The following PFKFB1 variants were observed in gnomAD, a reference collection of about 807,000 sequenced individuals.
PFKFB1 encodes the protein 6-phosphofructo-2-kinase/fructose-2,6-bisphosphatase 1.
In PFKFB1, 34 loss-of-function variants were observed where a neutral mutation model predicts 46.4. The ratio of observed to expected loss-of-function variants is 0.73; its 90% CI spans 0.56 to 0.98. The LOEUF (loss-of-function observed/expected upper bound fraction) is 0.98. Among genes scored for constraint, PFKFB1 ranks in the 50% least tolerant of loss-of-function variants. The pLI is 0.00. For synonymous variants in PFKFB1, 119 were observed against 133.8 expected (o/e 0.89, Z 0.76); for missense variants, 393 against 376.3 (o/e 1.04, Z -0.37).
chrX:54,959,703 TA>T, intron 4 of PFKFB1, 123 bp downstream of exon 4: 1 of 481,267 alleles, frequency 2.1e-6, no homozygotes, highest in Admixed American at 3.5e-5. Context: ...AGCATAAAAT[TA>T]AATTATTAAT....
intron 1 of PFKFB1, among the ~76,000 whole-genome samples, chrX:54,991,739 G>C: frequency 9.0e-6 from 1 of 110,918 alleles, no homozygotes; most frequent in Non-Finnish European, 1.9e-5. Context: ...TCAAAAATTA[G>C]AAACTAACCA....
At chrX:54,974,036 A>G (rs1569547138) in intron 1 of PFKFB1, among the ~76,000 whole-genome samples, 1 of 111,483 alleles carries the variant, frequency 9.0e-6, no homozygotes, top group Non-Finnish European at 1.9e-5. Context: ...AAAGATGTCT[A>G]TTCTCCCCAA....
At chrX:54,997,530 A>G (rs946647526), upstream of PFKFB1, among the ~76,000 whole-genome samples, 4 of 112,196 alleles carry the variant, frequency 3.6e-5, no homozygotes, top group Non-Finnish European at 7.5e-5. Context: ...CATGTAAAGC[A>G]GCATATGACA....
At chrX:54,973,160 T>G (rs1055852624) in intron 1 of PFKFB1, among the ~76,000 whole-genome samples, 2 of 111,798 alleles carry the variant, frequency 1.8e-5, no homozygotes, top group African/African-American at 6.5e-5. Context: ...GACGGTAGTT[T>G]GTATTTCTGT....
chrX:54,962,812 CAT>C (rs1934356622), intron 2 of PFKFB1, among the ~76,000 whole-genome samples: 1 of 112,129 alleles, frequency 8.9e-6, no homozygotes, highest in African/African-American at 3.2e-5. Flanking sequence ...GACCTGGGTT[CAT>C]ATCTTGGTTC....
At chrX:54,972,315 T>C (rs1485430650) in intron 1 of PFKFB1, among the ~76,000 whole-genome samples, 1 of 109,100 alleles carries the variant, frequency 9.2e-6, no homozygotes, top group Non-Finnish European at 1.9e-5. Flanking sequence ...CTTTTCCTAA[T>C]TGAATACCCT....
At chrX:54,949,651 A>G (rs1009229152) in intron 8 of PFKFB1, among the ~76,000 whole-genome samples, 4 of 112,085 alleles carry the variant, frequency 3.6e-5, no homozygotes, top group African/African-American at 1.3e-4. Context: ...ACCAAGTCAC[A>G]TGACCAAGTT....
intron 8 of PFKFB1, among the ~76,000 whole-genome samples, chrX:54,949,626 A>G (rs1220071773): frequency 8.9e-6 from 1 of 111,971 alleles, no homozygotes; most frequent in Middle Eastern, 4.2e-3. Flanking sequence ...TGCCTTTAGT[A>G]CATGCTTGTG....
intron 1 of PFKFB1, among the ~76,000 whole-genome samples, chrX:54,974,104 T>C (rs1446887643): frequency 1.8e-5 from 2 of 111,511 alleles, no homozygotes; most frequent in Non-Finnish European, 3.8e-5. Flanking sequence ...ATTTTAGATA[T>C]AGACAAGCTG....
Position 54,933,594 on chromosome X carries a change from G to A in PFKFB1, c.1357-132C>T, listed in dbSNP as rs1933291296. The A allele has an allele frequency of 1.2e-5, 7 of 581,020 alleles. No homozygotes were observed. The East Asian group carries it at 2.5e-4, about 21-fold the overall frequency. The allele number at this position is 581,020 out of a possible 1,213,427, so 47.9% of individuals were successfully genotyped here. A position where few individuals can be genotyped will look rare whatever the true frequency, so the allele number is the denominator to read the frequency against. On this transcript the variant is annotated intron_variant, in intron 13 of 13. Coordinates refer to ENST00000375006, the MANE Select transcript of PFKFB1 (RefSeq NM_002625.4). ...CGGATCCTGACCCTCAGGTAGGCCT[G>A]GGGGAATCTCAGCCTGAGGCCTTTT... is the stretch of plus-strand genomic sequence containing the variant.
At chrX:54,995,790 C>T (rs1048169763), upstream of PFKFB1, among the ~76,000 whole-genome samples, 2 of 112,501 alleles carry the variant, frequency 1.8e-5, no homozygotes, top group African/African-American at 6.5e-5. Context: ...CAGACACCTC[C>T]TTGACTAATC....
rs1290005119 is a variant in PFKFB1, at chrX:54,956,502, T to C, written c.517-228A>G. Among the ~76,000 whole-genome samples the C allele has an allele frequency of 2.7e-5, 3 of 111,919 alleles. No homozygotes were observed. The Admixed American group carries it at 2.8e-4, about 11-fold the overall frequency. The stretch of plus-strand genomic sequence containing the variant: ...TCAAACAAGGCCTGTTACATTATAC[T>C]CAGTCCCAGAGAATACACTCCTTAT... On this transcript the variant is annotated intron_variant, in intron 6 of 13. Transcript: ENST00000375006.
At chrX:54,977,425 C>CAAATAAAT in intron 1 of PFKFB1, among the ~76,000 whole-genome samples, 1 of 109,947 alleles carries the variant, frequency 9.1e-6, no homozygotes, top group South Asian at 3.8e-4. Flanking sequence ...AACAAACAAA[C>CAAATAAAT]AAATAAATAA....
At chrX:54,949,547 A>C (rs1211798863) in intron 8 of PFKFB1, among the ~76,000 whole-genome samples, 1 of 111,766 alleles carries the variant, frequency 8.9e-6, no homozygotes, top group Non-Finnish European at 1.9e-5. Flanking sequence ...GCCTGGGACA[A>C]GAGTACCAAT....
At chrX:54,974,336 A>T (rs1262746631) in intron 1 of PFKFB1, among the ~76,000 whole-genome samples, 1 of 111,942 alleles carries the variant, frequency 8.9e-6, no homozygotes. Flanking sequence ...AAAGCATGCA[A>T]TAACATAAAG....
At chrX:54,992,557 A>C (rs753006848) in intron 1 of PFKFB1, among the ~76,000 whole-genome samples, 27 of 112,146 alleles carry the variant, frequency 2.4e-4, no homozygotes, top group Admixed American at 8.5e-4. Flanking sequence ...GCAGGCATTA[A>C]TCCTGTTTTA....
chrX:54,976,734 A>T (rs1934848829), intron 1 of PFKFB1, among the ~76,000 whole-genome samples: 1 of 111,788 alleles, frequency 8.9e-6, no homozygotes, highest in African/African-American at 3.2e-5. Flanking sequence ...AACTGGAAAC[A>T]ACCAAGATGC....
chrX:54,937,058 A>AT (rs891183674), intron 11 of PFKFB1, among the ~76,000 whole-genome samples: 9 of 110,740 alleles, frequency 8.1e-5, no homozygotes, highest in African/African-American at 2.0e-4. Context: ...ATGCCTACAT[A>AT]TTTTTTTAAA....
At chrX:54,966,367 A>C (rs1934475024) in intron 1 of PFKFB1, among the ~76,000 whole-genome samples, 1 of 112,264 alleles carries the variant, frequency 8.9e-6, no homozygotes, top group African/African-American at 3.2e-5. Flanking sequence ...CAAATTCAAC[A>C]TTACTTTTCC....
Sources: gnomAD v4.1 joint callset for allele counts (sites outside exome capture counted in the v4.1 genomes callset) on GRCh38, gnomAD v4.1.1 for gene constraint, MANE v1.5 for transcripts, NCBI Gene and HGNC (gene_info 2026-07-23, HGNC 2026-07-21) for gene names.